The following GPR55 variants were observed in gnomAD, a reference collection of about 807,000 sequenced individuals.
GPR55 encodes the protein G protein-coupled receptor 55, also known as G-protein coupled receptor 55.
GPR55 carries 6 observed loss-of-function variants against 7.9 expected under a neutral mutation model. The observed-to-expected ratio is 0.76, with a 90% CI of 0.41 to 1.49. The LOEUF is 1.49. Among genes scored for constraint, GPR55 ranks in the 40% most tolerant of loss-of-function variants. The probability of loss-of-function intolerance (pLI) is 0.01; values close to 1 mark genes in which losing one functional copy is unlikely to be tolerated. For synonymous variants in GPR55, 183 were observed against 166.8 expected (o/e 1.10, Z -0.75); for missense variants, 376 against 406.0 (o/e 0.93, Z 0.63).
At position 230,924,855 on chromosome 2, in the gene GPR55, G is replaced by C. The variant is rs1209564399; in HGVS notation, c.-135+313C>G. Among the ~76,000 whole-genome samples, 9 of 152,154 alleles carry C rather than the reference G, an allele frequency of 5.9e-5. No individual in the cohort carries two copies. The highest frequency in any genetic ancestry group is 1.0e-4 in the Non-Finnish European group (7 of 68,008). ...CGGGAAGGCTCCCAGGCTGCCTATGGGGAGGTTTCCCGACCCGACATGATG... is the reference window on the plus strand; with the variant it reads ...CGGGAAGGCTCCCAGGCTGCCTATGCGGAGGTTTCCCGACCCGACATGATG... On this transcript the variant is annotated intron_variant, in intron 1 of 1. Transcript: ENST00000650999. The surrounding 1 kb of genome is among the most constrained non-coding windows in gnomAD (Gnocchi z 4.5).
intron 1 of GPR55, among the ~76,000 whole-genome samples, chr2:230,952,169 C>T (rs1691414540): frequency 6.6e-6 from 1 of 152,222 alleles, no homozygotes; most frequent in Non-Finnish European, 1.5e-5. Context: ...AACCCTCCTG[C>T]AGGCAGCAGG....
At chr2:230,930,162 A>G (rs530510743), upstream of GPR55, among the ~76,000 whole-genome samples, 1 of 152,252 alleles carries the variant, frequency 6.6e-6, no homozygotes, top group African/African-American at 2.4e-5. Context: ...CCAGGCCACC[A>G]GGTCACAGCT....
intron 1 of GPR55, among the ~76,000 whole-genome samples, chr2:230,942,185 G>T (rs1161426527): frequency 6.6e-6 from 1 of 152,226 alleles, no homozygotes; most frequent in Non-Finnish European, 1.5e-5. Context: ...GTTCAGAGGG[G>T]CCACCCCCAC....
chr2:230,946,553 C>CA (rs1052065181), intron 1 of GPR55, among the ~76,000 whole-genome samples: 65 of 152,312 alleles, frequency 4.3e-4, no homozygotes, highest in African/African-American at 1.5e-3. Flanking sequence ...AAAGTGTCCT[C>CA]ATCAGAAGAG....
In GPR55 at chr2:230,924,921, T is replaced by A. The variant is rs952820517; in HGVS notation, c.-135+247A>T. 3.9e-5 allele frequency among the ~76,000 whole-genome samples: 6 copies of A among 151,980 alleles called. No individual in the cohort carries two copies. The highest frequency in any genetic ancestry group is 7.4e-5 in the Non-Finnish European group (5 of 67,978). ...AGATCAGGAGGAAGTTGAGGGTTCG[T>A]AGAAAAATGTCACTCGTAATCGGGG... On this transcript the variant is annotated intron_variant, in intron 1 of 1. Transcript: ENST00000650999. This position sits in a 1 kb window ranked among gnomAD's most constrained non-coding sequence, Gnocchi z 4.5.
chr2:230,948,059 G>T (rs892850840), intron 1 of GPR55, among the ~76,000 whole-genome samples: 4 of 152,208 alleles, frequency 2.6e-5, no homozygotes, highest in African/African-American at 9.7e-5. Flanking sequence ...ACTGACTTCA[G>T]TTCTCTCCAA....
At chr2:230,919,257 T>G (rs1178604525) in intron 1 of GPR55, among the ~76,000 whole-genome samples, 1 of 152,146 alleles carries the variant, frequency 6.6e-6, no homozygotes. Flanking sequence ...CTTTGTCAAC[T>G]TAGCATAACT....
chr2:230,942,258 G>C (rs566913372), intron 1 of GPR55, among the ~76,000 whole-genome samples: 1 of 152,266 alleles, frequency 6.6e-6, no homozygotes, highest in South Asian at 2.1e-4. Flanking sequence ...AGGGGGCCCA[G>C]GACAGAGGCA....
intron 1 of GPR55, among the ~76,000 whole-genome samples, chr2:230,958,564 C>G (rs1292520226): frequency 6.6e-6 from 1 of 152,218 alleles, no homozygotes; most frequent in Admixed American, 6.5e-5. Context: ...ACCACCACCA[C>G]TCCCCTTCCC....
At chr2:230,927,711 C>T (rs946577062), upstream of GPR55, among the ~76,000 whole-genome samples, 6 of 152,226 alleles carry the variant, frequency 3.9e-5, no homozygotes, top group Non-Finnish European at 5.9e-5. Flanking sequence ...GCTTCAGGAA[C>T]CAGCTTCTTC....
chr2:230,947,610 C>G (rs1434168571), intron 1 of GPR55, among the ~76,000 whole-genome samples: 1 of 151,234 alleles, frequency 6.6e-6, no homozygotes, highest in African/African-American at 2.4e-5. Flanking sequence ...CTCAAGCAAT[C>G]CTCGTGCCTC....
intron 1 of GPR55, among the ~76,000 whole-genome samples, chr2:230,933,988 C>T (rs1301039655): frequency 6.6e-6 from 1 of 152,202 alleles, no homozygotes; most frequent in Non-Finnish European, 1.5e-5. Context: ...CCCAGAGGTG[C>T]TGGGTCAGGC....
chr2:230,910,360 G>A lies in GPR55; in HGVS notation c.603C>T (p.Cys201=), dbSNP rs1690558454. The part of the protein sequence containing the change: ...LLPMGIMGFC[C]SRSIHILLGR... ...CCAGCAGGATGTGGATGCTCCTGGA[G>A]CAGCAGAAGCCCATGATGCCCATGG... The change falls in exon 2 of 2, where the codon TGC becomes TGT. Residue 201 remains cysteine (C), a synonymous_variant. Coordinates refer to ENST00000650999, the MANE Select transcript of GPR55 (RefSeq NM_005683.4). This position sits in a 1 kb window ranked among gnomAD's most constrained non-coding sequence, Gnocchi z 5.4. 6.2e-7 allele frequency: 1 copy of A among 1,614,036 alleles called. No individual in the cohort carries two copies. The highest frequency in any genetic ancestry group is 1.3e-5 in the African/African-American group (1 of 74,898).
At chr2:230,940,475 C>A (rs74965558) in intron 1 of GPR55, among the ~76,000 whole-genome samples, 360 of 152,302 alleles carry the variant, frequency 2.4e-3, no homozygotes, top group African/African-American at 8.0e-3. Context: ...TGCAGGAAGG[C>A]GCTTATCAAG....
At chr2:230,911,808 G>T (rs13429810) in intron 1 of GPR55, among the ~76,000 whole-genome samples, 2 of 151,900 alleles carry the variant, frequency 1.3e-5, no homozygotes, top group African/African-American at 2.4e-5. Flanking sequence ...GCCTTTTGTC[G>T]GGCAGAAAAT....
At chr2:230,913,297 G>A (rs571533819) in intron 1 of GPR55, among the ~76,000 whole-genome samples, 9 of 152,242 alleles carry the variant, frequency 5.9e-5, no homozygotes, top group South Asian at 2.1e-4. Flanking sequence ...ACTATTGGGC[G>A]CCCGTGGGAG....
chr2:230,943,556 G>A (rs1356702435), intron 1 of GPR55, among the ~76,000 whole-genome samples: 1 of 152,246 alleles, frequency 6.6e-6, no homozygotes, highest in Non-Finnish European at 1.5e-5. Flanking sequence ...AGAGCCTGGA[G>A]AGCTAAGAGC....
chr2:230,912,460 C>T (rs1690615698), intron 1 of GPR55, among the ~76,000 whole-genome samples: 1 of 152,100 alleles, frequency 6.6e-6, no homozygotes, highest in South Asian at 2.1e-4. Context: ...GATGGAGTCT[C>T]ACTCTGTCAC....
intron 1 of GPR55, among the ~76,000 whole-genome samples, chr2:230,917,881 A>G (rs1420875380): frequency 6.6e-6 from 1 of 152,220 alleles, no homozygotes; most frequent in African/African-American, 2.4e-5. Flanking sequence ...TGAGAACTAC[A>G]AAACTAAATA....
Sources: allele counts gnomAD v4.1 joint callset (sites outside exome capture counted in the v4.1 genomes callset), GRCh38; gene constraint gnomAD v4.1.1; non-coding constraint Gnocchi (gnomAD v3.1); transcripts MANE v1.5; gene names NCBI Gene and HGNC (gene_info 2026-07-23, HGNC 2026-07-21).